INPP4B: variants seen among roughly 807,000 people sequenced by gnomAD.
INPP4B encodes the protein inositol polyphosphate-4-phosphatase type II B.
A neutral mutation model predicts 122.5 loss-of-function variants in INPP4B; 55 were observed. That is an observed-to-expected ratio of 0.45 (90% confidence interval 0.36 to 0.56). The LOEUF is 0.56. Ranked by LOEUF, INPP4B falls within the 20% of genes least tolerant of loss-of-function variation. The pLI is 0.00. For missense variants in INPP4B, 1,000 were observed against 1,097.7 expected (o/e 0.91, Z 1.26); for synonymous variants, 403 against 388.7 (o/e 1.04, Z -0.43).
chr4:142,381,391 T>C (rs1311377346), intron 7 of INPP4B, among the ~76,000 whole-genome samples: 1 of 152,152 alleles, frequency 6.6e-6, no homozygotes, highest in African/African-American at 2.4e-5. Flanking sequence ...GGATTTGTTT[T>C]ACTGAAGAGA....
At chr4:142,679,442 T>A (rs1263382044) in intron 2 of INPP4B, among the ~76,000 whole-genome samples, 2 of 151,912 alleles carry the variant, frequency 1.3e-5, no homozygotes, top group Admixed American at 1.3e-4. Flanking sequence ...AATAGCTTAT[T>A]TCCTTTTTAA....
intron 2 of INPP4B, among the ~76,000 whole-genome samples, chr4:142,538,792 G>A (rs551059532): frequency 2.0e-5 from 3 of 151,998 alleles, no homozygotes; most frequent in East Asian, 1.9e-4. Flanking sequence ...TCCCAAAATT[G>A]TTTTAACAAA....
At chr4:142,560,497 C>T (rs1730222735) in intron 2 of INPP4B, 1 of 152,200 alleles carries the variant, frequency 6.6e-6, no homozygotes, top group South Asian at 2.1e-4. Context: ...TGTCTGCAAA[C>T]TGAGGAGCAA....
chr4:142,767,299 C>T (rs951662266), intron 1 of INPP4B, among the ~76,000 whole-genome samples: 1 of 152,018 alleles, frequency 6.6e-6, no homozygotes, highest in Admixed American at 6.6e-5. Context: ...AGCAGTATGC[C>T]CTTGCTTCCA....
chr4:142,236,680 A>G (rs28448773), intron 12 of INPP4B, among the ~76,000 whole-genome samples: 15,978 of 152,104 alleles, frequency 0.11, 931 homozygotes, highest in Middle Eastern at 0.14. Flanking sequence ...TTCTGTTTTC[A>G]TATTTCTGCA....
At chr4:142,632,472 T>G (rs1156301220) in intron 2 of INPP4B, among the ~76,000 whole-genome samples, 1 of 152,014 alleles carries the variant, frequency 6.6e-6, no homozygotes, top group Non-Finnish European at 1.5e-5. Context: ...GAGAGATTGA[T>G]TAATGGGTTC....
chr4:142,451,400 C>A (rs1439343166), intron 3 of INPP4B, among the ~76,000 whole-genome samples: 1 of 151,794 alleles, frequency 6.6e-6, no homozygotes, highest in Non-Finnish European at 1.5e-5. Flanking sequence ...CAGGCACACA[C>A]CACCACGCCT....
Position 142,765,878 on chromosome 4 carries a change from G to A in INPP4B, c.-253-39977C>T, listed in dbSNP as rs926514978. 7 of 150,754 alleles carry A rather than the reference G, an allele frequency of 4.6e-5. No individual in the cohort carries two copies. In the Middle Eastern group the frequency reaches 0.01, roughly 226 times the overall value. The allele number at this position is 150,754 out of a possible 1,614,324, so 9.3% of individuals were successfully genotyped here. A position where few individuals can be genotyped will look rare whatever the true frequency, so the allele number is the denominator to read the frequency against. ...TTTAATCAAATACAGAACAATGTAA[G>A]TCAATGTATCATTATTTTCCAGCTA... is the stretch of plus-strand genomic sequence containing the variant. On this transcript the variant is annotated intron_variant, in intron 1 of 25. Coordinates refer to ENST00000262992, the MANE Select transcript of INPP4B (RefSeq NM_001101669.3).
At position 142,649,370 on chromosome 4, in the gene INPP4B, CTT is replaced by C. The variant is rs530046191; in HGVS notation, c.-191+76467_-191+76468del. Among the ~76,000 whole-genome samples the C allele has an allele frequency of 1.0e-3, 155 of 152,316 alleles. 3 individuals are homozygous for C. In the South Asian group the frequency reaches 0.031, roughly 31 times the overall value. ...TGGAACAAAGCTGGAGAGAGAAAGA[CTT>C]TGACAAGTTGACAGAAGTAGGCTTC... On this transcript the variant is annotated intron_variant, in intron 2 of 25. Coordinates refer to ENST00000262992, the MANE Select transcript of INPP4B (RefSeq NM_001101669.3).
intron 2 of INPP4B, among the ~76,000 whole-genome samples, chr4:142,633,231 A>G (rs916606999): frequency 4.6e-5 from 7 of 152,082 alleles, no homozygotes; most frequent in African/African-American, 1.7e-4. Context: ...ACCTAATACT[A>G]TAGTTTCAAA....
intron 2 of INPP4B, among the ~76,000 whole-genome samples, chr4:142,713,376 G>C (rs1010663240): frequency 2.6e-5 from 4 of 152,174 alleles, no homozygotes; most frequent in Non-Finnish European, 5.9e-5. Flanking sequence ...CATAGAGGAG[G>C]CTAGTAAGTT....
At chr4:142,539,636 C>G (rs1828704455) in intron 2 of INPP4B, among the ~76,000 whole-genome samples, 1 of 152,034 alleles carries the variant, frequency 6.6e-6, no homozygotes, top group Non-Finnish European at 1.5e-5. Flanking sequence ...TCCACGGAAG[C>G]CTGTGAAAAA....
chr4:142,077,261 G>A (rs1306924368), intron 25 of INPP4B, among the ~76,000 whole-genome samples: 1 of 151,792 alleles, frequency 6.6e-6, no homozygotes. Context: ...CTTACTAATG[G>A]CATATTAACT....
intron 17 of INPP4B, among the ~76,000 whole-genome samples, chr4:142,148,905 A>G (rs1812243887): frequency 6.6e-6 from 1 of 152,232 alleles, no homozygotes. Context: ...TGAGAAATTG[A>G]GCAGTCTCTT....
chr4:142,636,075 G>A (rs1015660219), intron 2 of INPP4B, among the ~76,000 whole-genome samples: 2 of 152,064 alleles, frequency 1.3e-5, no homozygotes, highest in African/African-American at 4.8e-5. Context: ...TCTAGTGGTA[G>A]TGAGTGATTT....
At chr4:142,159,274 TGAA>T (rs771535705) in intron 17 of INPP4B, among the ~76,000 whole-genome samples, 1 of 136,420 alleles carries the variant, frequency 7.3e-6, no homozygotes, top group African/African-American at 2.8e-5. Context: ...AAAAAAAAAG[TGAA>T]GAAGGTGAAG....
intron 25 of INPP4B, among the ~76,000 whole-genome samples, chr4:142,042,550 G>T (rs747993576): frequency 4.8e-4 from 14 of 28,882 alleles, no homozygotes; most frequent in Non-Finnish European, 1.6e-3. Flanking sequence ...ATGTATGTAT[G>T]TATGTATGTA....
intron 21 of INPP4B, among the ~76,000 whole-genome samples, chr4:142,117,466 G>A (rs950473654): frequency 1.3e-5 from 2 of 152,106 alleles, no homozygotes; most frequent in African/African-American, 4.8e-5. Flanking sequence ...TATCCACCAT[G>A]ATCAGGTGGG....
At chr4:142,210,806 A>G (rs555200623) in intron 12 of INPP4B, among the ~76,000 whole-genome samples, 1 of 152,310 alleles carries the variant, frequency 6.6e-6, no homozygotes, top group South Asian at 2.1e-4. Context: ...CAGAAAGAAT[A>G]AGTAAAGGGG....
Sources: allele counts gnomAD v4.1 joint callset (sites outside exome capture counted in the v4.1 genomes callset), GRCh38; gene constraint gnomAD v4.1.1; transcripts MANE v1.5; gene names NCBI Gene and HGNC (gene_info 2026-07-23, HGNC 2026-07-21).